Variants in PITPNM2 observed in about 807,000 individuals in gnomAD.
PITPNM2 encodes phosphatidylinositol transfer protein membrane associated 2.
PITPNM2 carries 35 observed loss-of-function variants against 132.2 expected under a neutral mutation model. The observed-to-expected ratio is 0.26, with a 90% CI of 0.20 to 0.35. The LOEUF (loss-of-function observed/expected upper bound fraction) is 0.35. Ranked by LOEUF, PITPNM2 falls within the 10% of genes least tolerant of loss-of-function variation. The pLI, the probability that PITPNM2 is intolerant of heterozygous loss-of-function variation, is 1.00. For synonymous variants in PITPNM2, 738 were observed against 799.2 expected (o/e 0.92, Z 1.29); for missense variants, 1,332 against 1,912.0 (o/e 0.70, Z 5.66).
intron 2 of PITPNM2, among the ~76,000 whole-genome samples, chr12:123,101,527 A>C (rs1593015538): frequency 6.6e-6 from 1 of 152,358 alleles, no homozygotes; most frequent in Admixed American, 6.5e-5. Flanking sequence ...GGGATAATGA[A>C]GAAATGGTTC....
rs915579532 is a variant in PITPNM2 at position 123,022,055 on chromosome 12, G to A, written c.79-8013C>T. On this transcript the variant is annotated intron_variant, in intron 3 of 25. Coordinates refer to ENST00000320201, the MANE Select transcript of PITPNM2 (RefSeq NM_020845.3). The surrounding 1 kb of genome is among the most constrained non-coding windows in gnomAD (Gnocchi z 4.9). ...TGGCTCCAAAGCCAGATGTCTCCAT[G>A]GCTTCAAAGTTCCCCTGAAGGATGG... 1.3e-5 allele frequency among the ~76,000 whole-genome samples: 2 copies of A among 152,140 alleles called. No homozygotes were observed. The highest frequency in any genetic ancestry group is 2.9e-5 in the Non-Finnish European group (2 of 68,016).
At position 123,111,449 on chromosome 12, in the gene PITPNM2, G is replaced by A. The variant is rs917481967; in HGVS notation, c.-199-961C>T. ...TCAGACACCAGTCCATGCCCGCTAG[G>A]GGCAAGCACAGCCCTAACAAAGGGA... On this transcript the variant is annotated intron_variant, in intron 1 of 25. Transcript: ENST00000320201. This position sits in a 1 kb window ranked among gnomAD's most constrained non-coding sequence, Gnocchi z 4.1. Among the ~76,000 whole-genome samples, 5 of 152,232 alleles carry A rather than the reference G, an allele frequency of 3.3e-5. No homozygotes were observed. Among genetic ancestry groups the A allele is most frequent in the African/African-American group, 1.2e-4 (5 of 41,466 alleles).
chr12:123,050,585 G>A (rs1204181589), intron 2 of PITPNM2, among the ~76,000 whole-genome samples: 3 of 152,220 alleles, frequency 2.0e-5, no homozygotes, highest in Admixed American at 1.3e-4. Context: ...GGCAGAGCCA[G>A]AGGACCTAGA....
intron 2 of PITPNM2, chr12:123,092,222 G>A (rs964833615): frequency 2.6e-5 from 4 of 152,250 alleles, no homozygotes; most frequent in African/African-American, 4.8e-5. Flanking sequence ...TGGCCCAGCA[G>A]AAAGCTGAGC....
intron 2 of PITPNM2, among the ~76,000 whole-genome samples, chr12:123,096,283 A>G (rs919531549): frequency 3.9e-5 from 6 of 152,352 alleles, no homozygotes; most frequent in African/African-American, 1.4e-4. Context: ...CCCTGCTTGC[A>G]TGCCCCAGCT....
chr12:123,141,571 G>T (rs1479612993), intron 1 of PITPNM2, among the ~76,000 whole-genome samples: 1 of 152,110 alleles, frequency 6.6e-6, no homozygotes, highest in Non-Finnish European at 1.5e-5. Flanking sequence ...GTCTCCTGGA[G>T]AGGGAAGAGC....
At chr12:123,136,725 G>A (rs755719404) in intron 1 of PITPNM2, among the ~76,000 whole-genome samples, 4 of 151,890 alleles carry the variant, frequency 2.6e-5, no homozygotes, top group Non-Finnish European at 4.4e-5. Context: ...GTGAAACCCC[G>A]TCTCTACTAA....
At position 122,985,858 on chromosome 12, in the gene PITPNM2, G is replaced by T; in HGVS notation, c.*169C>A. Reference sequence around the variant, plus strand: ...GACAAGCCGGACCCGTCAGGCCCGAGGACGTGAGGCAGGGCAGGGAGCACT... The same window carrying T: ...GACAAGCCGGACCCGTCAGGCCCGATGACGTGAGGCAGGGCAGGGAGCACT... On this transcript the variant is annotated 3_prime_UTR_variant, in exon 26 of 26. Coordinates refer to ENST00000320201, the MANE Select transcript of PITPNM2 (RefSeq NM_020845.3). The T allele has an allele frequency of 1.7e-6, 1 of 598,132 alleles. No individual in the cohort carries two copies. Among genetic ancestry groups the T allele is most frequent in the Non-Finnish European group, 2.6e-6 (1 of 391,656 alleles). 37.1% of individuals were successfully genotyped at this position (598,132 alleles called of 1,614,324 possible).
At chr12:123,103,650 T>G (rs750517877) in intron 2 of PITPNM2, among the ~76,000 whole-genome samples, 5 of 152,188 alleles carry the variant, frequency 3.3e-5, no homozygotes, top group African/African-American at 4.8e-5. Flanking sequence ...CATTCATTGT[T>G]TCAGCTGTAA....
rs1191887530 is a variant in PITPNM2 at position 123,036,157 on chromosome 12, C to T, written c.-95-1472G>A. Among the ~76,000 whole-genome samples the T allele has an allele frequency of 1.3e-5, 2 of 152,228 alleles. No individual in the cohort carries two copies. Among genetic ancestry groups the T allele is most frequent in the Non-Finnish European group, 2.9e-5 (2 of 68,048 alleles). The stretch of plus-strand genomic sequence containing the variant: ...CAGGCAACTTCCCCAGGGCACGGCT[C>T]TCTATCGGGCATTGGAGTATCACCC... On this transcript the variant is annotated intron_variant, in intron 2 of 25. Coordinates refer to ENST00000320201, the MANE Select transcript of PITPNM2 (RefSeq NM_020845.3). The surrounding 1 kb of genome is among the most constrained non-coding windows in gnomAD (Gnocchi z 4.1).
At chr12:123,011,270 C>T (rs1223113982) in intron 5 of PITPNM2, among the ~76,000 whole-genome samples, 1 of 152,254 alleles carries the variant, frequency 6.6e-6, no homozygotes, top group Non-Finnish European at 1.5e-5. Flanking sequence ...CAGACACAGA[C>T]ATCAGCTCCA....
intron 2 of PITPNM2, among the ~76,000 whole-genome samples, chr12:123,050,050 C>T (rs868519285): frequency 6.6e-6 from 1 of 152,230 alleles, no homozygotes; most frequent in Non-Finnish European, 1.5e-5. Context: ...TTCTTGACAG[C>T]GTCTGTGACT....
At chr12:123,035,551 A>T (rs2040236270) in intron 2 of PITPNM2, among the ~76,000 whole-genome samples, 1 of 152,118 alleles carries the variant, frequency 6.6e-6, no homozygotes, top group African/African-American at 2.4e-5. Context: ...CTGTGGTCCC[A>T]ACTACTTGGG....
chr12:122,992,680 G>T lies in PITPNM2; in HGVS notation c.2234-11C>A, dbSNP rs1159750222. ...GCCGCAGCTGGAAAACTGGGGGTGG[G>T]GGTGTTGGCTGCAGAGCTGGGGCTG... On this transcript the variant is annotated splice_polypyrimidine_tract_variant and intron_variant, in intron 15 of 25. Coordinates refer to ENST00000320201, the MANE Select transcript of PITPNM2 (RefSeq NM_020845.3). This position sits in a 1 kb window ranked among gnomAD's most constrained non-coding sequence, Gnocchi z 6.5. The T allele has an allele frequency of 1.3e-6, 2 of 1,549,502 alleles. No homozygotes were observed. Among genetic ancestry groups the T allele is most frequent in the South Asian group, 1.2e-5 (1 of 81,340 alleles).
rs993820761 is a variant in PITPNM2 at position 123,000,054 on chromosome 12, G to C, written c.1224+724C>G. Among the ~76,000 whole-genome samples the C allele has an allele frequency of 6.6e-6, 1 of 152,214 alleles. No homozygotes were observed. Among genetic ancestry groups the C allele is most frequent in the African/African-American group, 2.4e-5 (1 of 41,450 alleles). ...GACCGCAAAGCAGAAAACCACAGGA[G>C]GGGGAGGCTGTGTGGATGTCCCTCC... On this transcript the variant is annotated intron_variant, in intron 10 of 25. Coordinates refer to ENST00000320201, the MANE Select transcript of PITPNM2 (RefSeq NM_020845.3). This position sits in a 1 kb window ranked among gnomAD's most constrained non-coding sequence, Gnocchi z 5.4.
chr12:123,112,538 C>CTTTT (rs113732529), intron 1 of PITPNM2, among the ~76,000 whole-genome samples: 1 of 140,098 alleles, frequency 7.1e-6, no homozygotes, highest in Non-Finnish European at 1.6e-5. Flanking sequence ...CTTCAATATA[C>CTTTT]TTTTTTTTTT....
intron 2 of PITPNM2, among the ~76,000 whole-genome samples, chr12:123,101,196 G>A (rs1240465955): frequency 6.6e-6 from 1 of 152,180 alleles, no homozygotes; most frequent in Admixed American, 6.5e-5. Context: ...CCATTTTGGG[G>A]AGATGCTTTA....
intron 3 of PITPNM2, among the ~76,000 whole-genome samples, chr12:123,032,573 A>G (rs1248299928): frequency 2.0e-5 from 3 of 152,242 alleles, no homozygotes; most frequent in Non-Finnish European, 4.4e-5. Context: ...CAGCTTTGGG[A>G]TCTCCTGGGG....
At chr12:123,035,358 T>G (rs1187987286) in intron 2 of PITPNM2, among the ~76,000 whole-genome samples, 1 of 152,194 alleles carries the variant, frequency 6.6e-6, no homozygotes, top group African/African-American at 2.4e-5. Flanking sequence ...GATTTGTCCC[T>G]AAGCAATCAC....
Sources: gnomAD v4.1 joint callset for allele counts (sites outside exome capture counted in the v4.1 genomes callset) on GRCh38, gnomAD v4.1.1 for gene constraint, Gnocchi (gnomAD v3.1) non-coding constraint, MANE v1.5 for transcripts, NCBI Gene and HGNC (gene_info 2026-07-23, HGNC 2026-07-21) for gene names.